Variants in SGCD observed in about 807,000 individuals in gnomAD.
SGCD encodes the protein delta-sarcoglycan.
SGCD carries 18 observed loss-of-function variants against 36.6 expected under a neutral mutation model. The ratio of observed to expected loss-of-function variants is 0.49; its 90% CI spans 0.34 to 0.73. SGCD has a LOEUF of 0.73. Among genes scored for constraint, SGCD ranks in the 30% least tolerant of loss-of-function variants. SGCD has a pLI of 0.01. For missense variants in SGCD, 387 were observed against 346.7 expected (o/e 1.12, Z -0.92); for synonymous variants, 133 against 130.6 (o/e 1.02, Z -0.12).
chr5:155,877,626 G>A (rs1023441754), intron 1 of SGCD, among the ~76,000 whole-genome samples: 11 of 152,000 alleles, frequency 7.2e-5, no homozygotes, highest in Admixed American at 7.2e-4. Context: ...AAATGGTGAA[G>A]TTTCTTCACT....
At chr5:156,518,918 C>T (rs1757292344) in intron 4 of SGCD, among the ~76,000 whole-genome samples, 1 of 152,032 alleles carries the variant, frequency 6.6e-6, no homozygotes, top group Non-Finnish European at 1.5e-5. Flanking sequence ...CTCAAATGAA[C>T]ATCCTAACAT....
At chr5:156,210,376 T>C (rs1479501154) in intron 3 of SGCD, among the ~76,000 whole-genome samples, 1 of 152,010 alleles carries the variant, frequency 6.6e-6, no homozygotes, top group Non-Finnish European at 1.5e-5. Flanking sequence ...TACATAGATA[T>C]TAATATAAGG....
intron 1 of SGCD, among the ~76,000 whole-genome samples, chr5:155,950,746 T>A (rs1029916264): frequency 5.3e-5 from 8 of 152,300 alleles, no homozygotes; most frequent in Middle Eastern, 3.4e-3. Context: ...CCTTTCCCAC[T>A]TGATGACTTG....
At chr5:156,536,159 T>TGG (rs1758101291) in intron 4 of SGCD, among the ~76,000 whole-genome samples, 1 of 152,274 alleles carries the variant, frequency 6.6e-6, no homozygotes, top group East Asian at 1.9e-4. Flanking sequence ...TGAGATCTTA[T>TGG]GGGTCAAGAA....
chr5:156,618,755 A>G (rs1762118461), intron 6 of SGCD, among the ~76,000 whole-genome samples: 1 of 152,070 alleles, frequency 6.6e-6, no homozygotes, highest in Admixed American at 6.6e-5. Flanking sequence ...AGGAAAAGGC[A>G]TTTGTTGGGC....
chr5:156,431,660 C>G (rs191081021), intron 3 of SGCD, among the ~76,000 whole-genome samples: 6 of 152,154 alleles, frequency 3.9e-5, no homozygotes, highest in African/African-American at 1.4e-4. Flanking sequence ...TACTGTCCCC[C>G]TTCCCTTAGG....
the SGCD span, among the ~76,000 whole-genome samples, chr5:155,782,652 C>T: frequency 5.3e-5 from 8 of 152,058 alleles, no homozygotes; most frequent in African/African-American, 9.7e-5. Context: ...TGTTATGAGC[C>T]GGGCTGCACA....
At chr5:155,746,928 G>A in the SGCD span, among the ~76,000 whole-genome samples, 1 of 152,198 alleles carries the variant, frequency 6.6e-6, no homozygotes, top group South Asian at 2.1e-4. Context: ...GTGTCTTAAG[G>A]GTGTTTTGGG....
At chr5:156,288,381 A>G (rs1323795325) in intron 3 of SGCD, among the ~76,000 whole-genome samples, 1 of 152,182 alleles carries the variant, frequency 6.6e-6, no homozygotes, top group Non-Finnish European at 1.5e-5. Flanking sequence ...AGGATGGATG[A>G]AACATTTCTT....
chr5:155,802,335 TG>T, the SGCD span, among the ~76,000 whole-genome samples: 1 of 152,224 alleles, frequency 6.6e-6, no homozygotes, highest in Non-Finnish European at 1.5e-5. Context: ...TTTTGGTTCC[TG>T]GCTCCAGTCT....
At chr5:156,571,837 A>G (rs1759737818) in intron 4 of SGCD, among the ~76,000 whole-genome samples, 1 of 152,220 alleles carries the variant, frequency 6.6e-6, no homozygotes, top group Admixed American at 6.5e-5. Context: ...ATGTTGCACA[A>G]CCATCACCAT....
Position 156,759,561 on chromosome 5 carries a change from T to C in SGCD, c.*171T>C, listed in dbSNP as rs771352762. 1.1e-5 allele frequency: 2 copies of C among 182,078 alleles called. No individual in the cohort carries two copies. The highest frequency in any genetic ancestry group is 1.1e-5 in the Non-Finnish European group (1 of 90,800). 11.3% of individuals were successfully genotyped at this position (182,078 alleles called of 1,614,324 possible). On this transcript the variant is annotated 3_prime_UTR_variant, in exon 9 of 9. Coordinates refer to ENST00000337851, the MANE Select transcript of SGCD (RefSeq NM_000337.6). ...TCGCGTGTGTGGGTGGATATAAATATATATAAATATATATAAATAAATATA... is the reference window on the plus strand; with the variant it reads ...TCGCGTGTGTGGGTGGATATAAATACATATAAATATATATAAATAAATATA...
At chr5:155,799,325 G>T in the SGCD span, among the ~76,000 whole-genome samples, 1 of 151,652 alleles carries the variant, frequency 6.6e-6, no homozygotes, top group Non-Finnish European at 1.5e-5. Context: ...ACTGTTATAT[G>T]GTAGCAAAAT....
intron 1 of SGCD, among the ~76,000 whole-genome samples, chr5:155,889,883 G>C (rs1204090108): frequency 6.6e-6 from 1 of 152,202 alleles, no homozygotes; most frequent in Non-Finnish European, 1.5e-5. Flanking sequence ...GGCTGGAATG[G>C]TGAAGAAGGC....
chr5:156,547,441 C>CTTTTTTT (rs398065337), intron 4 of SGCD, among the ~76,000 whole-genome samples: 3 of 145,186 alleles, frequency 2.1e-5, no homozygotes, highest in Non-Finnish European at 3.0e-5. Flanking sequence ...GATAATATGA[C>CTTTTTTT]TTTTTTTTTT....
chr5:156,284,580 T>G (rs1766544260), intron 3 of SGCD, among the ~76,000 whole-genome samples: 2 of 152,072 alleles, frequency 1.3e-5, no homozygotes, highest in South Asian at 4.1e-4. Flanking sequence ...ACCATATCAT[T>G]ATCTCAATAG....
At chr5:156,309,705 C>G (rs1235654032) in intron 3 of SGCD, among the ~76,000 whole-genome samples, 1 of 149,204 alleles carries the variant, frequency 6.7e-6, no homozygotes. Context: ...TCAGACTGGT[C>G]TTGAACTCCT....
At chr5:156,746,865 T>C (rs1004884838) in intron 7 of SGCD, among the ~76,000 whole-genome samples, 11 of 151,930 alleles carry the variant, frequency 7.2e-5, no homozygotes, top group African/African-American at 7.2e-5. Flanking sequence ...AAATTGAAAT[T>C]TATCAAAATT....
chr5:156,409,367 C>T (rs1044716818), intron 3 of SGCD, among the ~76,000 whole-genome samples: 1 of 152,136 alleles, frequency 6.6e-6, no homozygotes, highest in African/African-American at 2.4e-5. Context: ...TCTTTTTGTT[C>T]TGTCCTAAAG....
Sources: gnomAD v4.1 joint callset for allele counts (sites outside exome capture counted in the v4.1 genomes callset) on GRCh38, gnomAD v4.1.1 for gene constraint, MANE v1.5 for transcripts, NCBI Gene and HGNC (gene_info 2026-07-23, HGNC 2026-07-21) for gene names.